DLG2: variants seen among roughly 807,000 people sequenced by gnomAD.
The protein encoded by DLG2 is disks large homolog 2.
A neutral mutation model predicts 132.5 loss-of-function variants in DLG2; 45 were observed. The ratio of observed to expected loss-of-function variants is 0.34; its 90% CI spans 0.27 to 0.44. DLG2 has a LOEUF of 0.44. Among genes scored for constraint, DLG2 ranks in the 20% least tolerant of loss-of-function variants. DLG2 has a pLI of 1.00. For synonymous variants in DLG2, 424 were observed against 419.6 expected (o/e 1.01, Z -0.13); for missense variants, 1,045 against 1,196.9 (o/e 0.87, Z 1.87).
chr11:84,486,724 T>G (rs893997221), intron 7 of DLG2, among the ~76,000 whole-genome samples: 4 of 152,094 alleles, frequency 2.6e-5, no homozygotes, highest in Non-Finnish European at 5.9e-5. Flanking sequence ...TCCTCATCAT[T>G]GGCTTAAAAA....
At chr11:84,784,304 G>C (rs1285447192) in intron 6 of DLG2, among the ~76,000 whole-genome samples, 1 of 143,880 alleles carries the variant, frequency 7.0e-6, no homozygotes. Flanking sequence ...TGGGCAACAA[G>C]AGCGAAACTC....
At chr11:84,611,843 G>A (rs1167531985) in intron 6 of DLG2, among the ~76,000 whole-genome samples, 1 of 152,064 alleles carries the variant, frequency 6.6e-6, no homozygotes, top group Non-Finnish European at 1.5e-5. Context: ...AATATCTGAA[G>A]CATCTAAACA....
At chr11:85,400,578 T>G (rs2087959761) in intron 3 of DLG2, among the ~76,000 whole-genome samples, 1 of 146,796 alleles carries the variant, frequency 6.8e-6, no homozygotes, top group East Asian at 2.0e-4. Flanking sequence ...GTGGCACATA[T>G]ACACCATGGA....
intron 17 of DLG2, 106 bp downstream of exon 17, chr11:83,833,508 C>A: frequency 7.9e-7 from 1 of 1,262,348 alleles, no homozygotes; most frequent in South Asian, 1.6e-5. Context: ...CTCTCATCCA[C>A]TTTCCTTTGT....
intron 6 of DLG2, among the ~76,000 whole-genome samples, chr11:84,642,707 T>A (rs1489980320): frequency 6.6e-6 from 1 of 152,292 alleles, no homozygotes; most frequent in East Asian, 1.9e-4. Context: ...CCACTCTACA[T>A]GGACAGTTTT....
chr11:85,540,278 G>A (rs569013925), intron 3 of DLG2, among the ~76,000 whole-genome samples: 1 of 152,214 alleles, frequency 6.6e-6, no homozygotes, highest in East Asian at 1.9e-4. Context: ...CCCCCATCCT[G>A]TGCCCATAAA....
intron 6 of DLG2, among the ~76,000 whole-genome samples, chr11:85,080,534 T>C (rs766054464): frequency 6.6e-6 from 1 of 152,204 alleles, no homozygotes; most frequent in East Asian, 1.9e-4. Flanking sequence ...CTCAGTGTCA[T>C]ATGAGAGCAG....
chr11:83,712,135 T>C (rs2085590164), intron 18 of DLG2, among the ~76,000 whole-genome samples: 1 of 152,100 alleles, frequency 6.6e-6, no homozygotes, highest in Non-Finnish European at 1.5e-5. Flanking sequence ...GAAATACCAT[T>C]TGGCCCAGCA....
At chr11:84,564,813 G>A (rs1224813073) in intron 6 of DLG2, among the ~76,000 whole-genome samples, 1 of 152,132 alleles carries the variant, frequency 6.6e-6, no homozygotes, top group East Asian at 1.9e-4. Context: ...CTGAACTACA[G>A]TTACCAAAGA....
intron 17 of DLG2, among the ~76,000 whole-genome samples, chr11:83,829,021 T>C (rs1336055819): frequency 1.3e-5 from 2 of 152,234 alleles, no homozygotes; most frequent in East Asian, 3.9e-4. Context: ...GAAAGGTTAT[T>C]GTCTATTATG....
At chr11:84,356,392 C>G (rs2098611867) in intron 7 of DLG2, among the ~76,000 whole-genome samples, 1 of 152,012 alleles carries the variant, frequency 6.6e-6, no homozygotes, top group South Asian at 2.1e-4. Context: ...TGAGAACAAA[C>G]AAAGAACCTG....
intron 6 of DLG2, among the ~76,000 whole-genome samples, chr11:84,614,328 C>T (rs1156812939): frequency 6.6e-6 from 1 of 152,188 alleles, no homozygotes; most frequent in Admixed American, 6.6e-5. Flanking sequence ...AACGTCTGAG[C>T]TGACACTGCA....
At chr11:84,728,619 A>T (rs2062785177) in intron 6 of DLG2, among the ~76,000 whole-genome samples, 1 of 152,140 alleles carries the variant, frequency 6.6e-6, no homozygotes, top group Non-Finnish European at 1.5e-5. Flanking sequence ...TGAGTTAGGG[A>T]GGATTCCCTC....
chr11:85,534,969 G>A lies in DLG2; in HGVS notation c.40+63688C>T, dbSNP rs115364678. ...ACATTTTCACCAATAGTGTATTAGC[G>A]TTCCCTTTTCTCCACAACCTCACCA... On this transcript the variant is annotated intron_variant, in intron 3 of 27. Coordinates refer to ENST00000376104, the MANE Select transcript of DLG2 (RefSeq NM_001142699.3). Among the ~76,000 whole-genome samples the A allele has an allele frequency of 2.8e-3, 426 of 152,248 alleles. 3 individuals carry two copies. Among genetic ancestry groups the A allele is most frequent in the African/African-American group, 9.4e-3 (390 of 41,550 alleles).
chr11:85,013,916 G>A (rs2059359129), intron 6 of DLG2, among the ~76,000 whole-genome samples: 1 of 152,034 alleles, frequency 6.6e-6, no homozygotes, highest in African/African-American at 2.4e-5. Flanking sequence ...TAGAATGAGT[G>A]ATTTTTCTTT....
intron 6 of DLG2, chr11:84,923,267 A>G: frequency 6.7e-7 from 1 of 1,495,082 alleles, no homozygotes; most frequent in Non-Finnish European, 8.9e-7. Flanking sequence ...TCTGACTACA[A>G]AACGACATGT....
chr11:85,118,627 A>G (rs1218686633), intron 5 of DLG2, among the ~76,000 whole-genome samples: 1 of 152,034 alleles, frequency 6.6e-6, no homozygotes, highest in African/African-American at 2.4e-5. Context: ...TGATGAAATA[A>G]TACATTGAGC....
intron 18 of DLG2, among the ~76,000 whole-genome samples, chr11:83,728,577 G>T (rs754970405): frequency 3.9e-5 from 6 of 152,102 alleles, no homozygotes; most frequent in Non-Finnish European, 8.8e-5. Flanking sequence ...CAATGTTTTG[G>T]ATCCTTGCTT....
chr11:85,301,410 T>G (rs181905131), intron 3 of DLG2, among the ~76,000 whole-genome samples: 1 of 152,154 alleles, frequency 6.6e-6, no homozygotes, highest in Non-Finnish European at 1.5e-5. Context: ...AGAGAATCAA[T>G]GAATGGATGG....
Sources: gnomAD v4.1 joint callset for allele counts (sites outside exome capture counted in the v4.1 genomes callset) on GRCh38, gnomAD v4.1.1 for gene constraint, MANE v1.5 for transcripts, NCBI Gene and HGNC (gene_info 2026-07-23, HGNC 2026-07-21) for gene names.